The following YIPF5 variants were observed in gnomAD, a reference collection of about 807,000 sequenced individuals.
YIPF5 encodes Yip1 domain family member 5.
YIPF5 carries 8 observed loss-of-function variants against 30.4 expected under a neutral mutation model. The observed-to-expected ratio is 0.26, with a 90% CI of 0.15 to 0.47. The LOEUF (loss-of-function observed/expected upper bound fraction) is 0.47. YIPF5 is among the 20% of genes least tolerant of loss of function. The pLI is 0.99. For missense variants in YIPF5, 282 were observed against 301.8 expected (o/e 0.93, Z 0.49); for synonymous variants, 104 against 107.9 (o/e 0.96, Z 0.23).
chr5:144,169,208 T>A (rs1561516038), intron 2 of YIPF5, among the ~76,000 whole-genome samples: 1 of 152,162 alleles, frequency 6.6e-6, no homozygotes, highest in Non-Finnish European at 1.5e-5. Context: ...AGTTCATGTA[T>A]TTTTGTCACA....
intron 2 of YIPF5, among the ~76,000 whole-genome samples, chr5:144,169,549 C>G (rs1028386178): frequency 1.3e-5 from 2 of 152,176 alleles, no homozygotes; most frequent in Non-Finnish European, 2.9e-5. Context: ...ACCTGAAGCT[C>G]CCATCATCTT....
Position 144,165,600 on chromosome 5 carries a change from A to G in YIPF5, c.115T>C (p.Tyr39His). 6.2e-7 allele frequency: 1 copy of G among 1,614,096 alleles called. No individual in the cohort carries two copies. Among genetic ancestry groups the G allele is most frequent in the South Asian group, 1.1e-5 (1 of 91,060 alleles). The change falls in exon 3 of 6, where the codon TAT becomes CAT. Residue 39 changes from tyrosine (Y) to histidine (H), a missense_variant. Physicochemically the swap from Tyr to His is moderately conservative, Grantham distance 83. Coordinates refer to ENST00000274496, the MANE Select transcript of YIPF5 (RefSeq NM_030799.9). ...TGCTGCGAATAGTCATAGCCAGCAT[A>G]CTGTCTATAAATGAAAGAAAGTTAA... ...GGSGGPYSKQ[Y>H]AGYDYSQQGR...
At chr5:144,165,911 T>C (rs939366066) in intron 2 of YIPF5, among the ~76,000 whole-genome samples, 3 of 152,200 alleles carry the variant, frequency 2.0e-5, no homozygotes, top group Non-Finnish European at 4.4e-5. Context: ...ATGTAAAAAT[T>C]GTGTCTATTT....
chr5:144,167,818 C>T (rs951038520), intron 2 of YIPF5, among the ~76,000 whole-genome samples: 3 of 152,150 alleles, frequency 2.0e-5, no homozygotes, highest in South Asian at 4.1e-4. Context: ...GCTATTTGCA[C>T]CTAGATTTTC....
intron 4 of YIPF5, 63 bp downstream of exon 4, chr5:144,164,048 G>A (rs1752127380): frequency 4.4e-6 from 7 of 1,586,888 alleles, no homozygotes; most frequent in African/African-American, 1.4e-5. Flanking sequence ...GCTTTTGGTA[G>A]AACATTTAAA....
rs548524143 is a variant in YIPF5, at chr5:144,158,181, C to T, written c.*2216G>A. The stretch of plus-strand genomic sequence containing the variant: ...TAGTACTTTTTGAGACACAGTACAA[C>T]AGTCTTTAATGTATATATAAATATG... On this transcript the variant is annotated 3_prime_UTR_variant, in exon 6 of 6. Transcript: ENST00000274496. 1 of 255,816 alleles carries T rather than the reference C, an allele frequency of 3.9e-6. No homozygotes were observed. The highest frequency in any genetic ancestry group is 1.6e-4 in the East Asian group (1 of 6,392). The allele number at this position is 255,816 out of a possible 1,614,324, so 15.8% of individuals were successfully genotyped here. A position where few individuals can be genotyped will look rare whatever the true frequency, so the allele number is the denominator to read the frequency against.
intron 2 of YIPF5, among the ~76,000 whole-genome samples, chr5:144,168,181 C>G (rs1465006324): frequency 1.3e-5 from 2 of 152,162 alleles, no homozygotes; most frequent in African/African-American, 4.8e-5. Flanking sequence ...GCAACAGGTG[C>G]TAACCAGCAA....
At position 144,160,219 on chromosome 5, in the gene YIPF5, T is replaced by C. The variant is rs1436427669; in HGVS notation, c.*178A>G. 2.1e-6 allele frequency: 3 copies of C among 1,408,146 alleles called. No homozygotes were observed. Among genetic ancestry groups the C allele is most frequent in the Non-Finnish European group, 2.8e-6 (3 of 1,082,928 alleles). The allele number at this position is 1,408,146 out of a possible 1,614,324, so 87.2% of individuals were successfully genotyped here. On this transcript the variant is annotated 3_prime_UTR_variant, in exon 6 of 6. Transcript: ENST00000274496. ...CTAGTCACACCGCAGGTAAATCCAA[T>C]ATAGTATGCAAAAGTTCTATAAAAA... is the stretch of plus-strand genomic sequence containing the variant.
chr5:144,168,732 C>T (rs976572269), intron 2 of YIPF5, among the ~76,000 whole-genome samples: 10 of 152,080 alleles, frequency 6.6e-5, no homozygotes, highest in Admixed American at 6.5e-4. Context: ...CTCAAAGAGA[C>T]TATATGTTTT....
intron 2 of YIPF5, 134 bp downstream of exon 2, chr5:144,169,709 GGAA>G (rs1474291069): frequency 5.6e-6 from 4 of 719,184 alleles, no homozygotes; most frequent in East Asian, 2.7e-5. Flanking sequence ...TCTCTCTAGA[GGAA>G]GAAGATTATG....
intron 2 of YIPF5, among the ~76,000 whole-genome samples, chr5:144,166,001 A>G (rs1752192795): frequency 6.6e-6 from 1 of 152,310 alleles, no homozygotes; most frequent in African/African-American, 2.4e-5. Context: ...AAACCTTAGG[A>G]TGTCAGACTT....
In YIPF5 at chr5:144,160,431, A is replaced by G; in HGVS notation, c.740T>C (p.Leu247Ser). Residue 247 changes from leucine to serine, a missense_variant, in exon 6 of 6, where the codon TTA becomes TCA. Transcript: ENST00000274496. ...GGAAATCAGGGCAAAGACTCCATAT[A>G]ACAAAGCGCAAGGATATGCTACTAA... The part of the protein sequence containing the change: ...QLLVAYPCAL[L>S]YGVFALISVF The G allele has an allele frequency of 6.2e-7, 1 of 1,614,126 alleles. No homozygotes were observed. Among genetic ancestry groups the G allele is most frequent in the Non-Finnish European group, 8.5e-7 (1 of 1,180,010 alleles).
chr5:144,162,747 C>T (rs554617982), intron 4 of YIPF5, among the ~76,000 whole-genome samples: 3 of 152,194 alleles, frequency 2.0e-5, no homozygotes, highest in South Asian at 2.1e-4. Flanking sequence ...GATGGAAAGC[C>T]GTTCAAAATG....
intron 2 of YIPF5, among the ~76,000 whole-genome samples, chr5:144,166,384 T>A (rs1282490305): frequency 6.6e-6 from 1 of 152,178 alleles, no homozygotes; most frequent in African/African-American, 2.4e-5. Context: ...TCTTTACGCA[T>A]CTGTTCCATC....
chr5:144,164,684 A>G (rs1752152258), intron 3 of YIPF5, among the ~76,000 whole-genome samples: 1 of 151,536 alleles, frequency 6.6e-6, no homozygotes, highest in African/African-American at 2.4e-5. Flanking sequence ...ACAGGCGTTG[A>G]GACATCGTGC....
intron 5 of YIPF5, among the ~76,000 whole-genome samples, chr5:144,161,366 C>G (rs1292907773): frequency 2.1e-5 from 1 of 47,894 alleles, no homozygotes; most frequent in African/African-American, 8.2e-5. Flanking sequence ...TTTTTTGAGA[C>G]AGTTTCGCTT....
chr5:144,162,469 C>T, intron 4 of YIPF5, 70 bp from the exon 5 acceptor site: 2 of 1,363,420 alleles, frequency 1.5e-6, no homozygotes, highest in Non-Finnish European at 2.0e-6. Context: ...TCACCTGAAT[C>T]AGTACATGTA....
rs1348717499 is a variant in YIPF5, at chr5:144,159,912, G to A, written c.*485C>T. On this transcript the variant is annotated 3_prime_UTR_variant, in exon 6 of 6. Coordinates refer to ENST00000274496, the MANE Select transcript of YIPF5 (RefSeq NM_030799.9). ...TTTAGTAGAGTCGGGGTTTCACCGT[G>A]TTAACCAGGATGGTCTCGATCTCCT... 2 of 762,122 alleles carry A rather than the reference G, an allele frequency of 2.6e-6. No homozygotes were observed. Among genetic ancestry groups the A allele is most frequent in the Non-Finnish European group, 3.2e-6 (2 of 626,494 alleles). The allele number at this position is 762,122 out of a possible 1,614,324, so 47.2% of individuals were successfully genotyped here.
chr5:144,163,333 GAATT>G (rs1329603364), intron 4 of YIPF5, among the ~76,000 whole-genome samples: 3 of 152,252 alleles, frequency 2.0e-5, no homozygotes, highest in Non-Finnish European at 4.4e-5. Flanking sequence ...GTTCATTGAT[GAATT>G]AATTCATGTA....
Sources: gnomAD v4.1 joint callset for allele counts (sites outside exome capture counted in the v4.1 genomes callset) on GRCh38, gnomAD v4.1.1 for gene constraint, MANE v1.5 for transcripts, NCBI Gene and HGNC (gene_info 2026-07-23, HGNC 2026-07-21) for gene names.